COL12A1: variants seen among roughly 807,000 people sequenced by gnomAD.
COL12A1 encodes the protein collagen type XII alpha 1 chain.
In COL12A1, 114 loss-of-function variants were observed where a neutral mutation model predicts 349.7. That is an observed-to-expected ratio of 0.33 (90% CI 0.28 to 0.38). The LOEUF (loss-of-function observed/expected upper bound fraction) is 0.38, where lower values mean the gene tolerates loss of function less well. COL12A1 is among the 10% of genes least tolerant of loss of function. The probability of loss-of-function intolerance (pLI) is 1.00; values close to 1 mark genes in which losing one functional copy is unlikely to be tolerated. For missense variants in COL12A1, 3,284 were observed against 3,756.9 expected (o/e 0.87, Z 3.29); for synonymous variants, 1,369 against 1,329.0 (o/e 1.03, Z -0.66).
intron 63 of COL12A1, 116 bp from the exon 64 acceptor site, chr6:75,089,290 C>T: frequency 4.0e-6 from 3 of 746,938 alleles, no homozygotes; most frequent in Non-Finnish European, 6.2e-6. Flanking sequence ...AAAGCAGAAC[C>T]TAATTTTTCA....
At chr6:75,194,018 A>C (rs1770092190) in intron 3 of COL12A1, among the ~76,000 whole-genome samples, 1 of 152,124 alleles carries the variant, frequency 6.6e-6, no homozygotes, top group South Asian at 2.1e-4. Context: ...GCTATTGTGA[A>C]TAAGTGCCAC....
In COL12A1 at chr6:75,156,319, A is replaced by C; in HGVS notation, c.3188T>G (p.Ile1063Ser). ...CATCTTGTAAATAGGAAGAACTGTGATGTCATATGTGGTCTGTGGCTGAAG... is the reference window on the plus strand; with the variant it reads ...CATCTTGTAAATAGGAAGAACTGTGCTGTCATATGTGGTCTGTGGCTGAAG... ...KRLQPQTTYD[I>S]TVLPIYKMGE... The change falls in exon 15 of 66, where the codon ATC becomes AGC. Residue 1063 changes from isoleucine to serine, a missense_variant. Physicochemically the swap from Ile to Ser is moderately radical, Grantham distance 142. Transcript: ENST00000322507. The C allele has an allele frequency of 6.2e-7, 1 of 1,613,868 alleles. No individual in the cohort carries two copies. The highest frequency in any genetic ancestry group is 1.3e-5 in the African/African-American group (1 of 74,984).
Position 75,085,695 on chromosome 6 carries a change from C to A in COL12A1, c.*852G>T. The A allele has an allele frequency of 4.2e-6, 1 of 238,382 alleles. No homozygotes were observed. The highest frequency in any genetic ancestry group is 5.1e-5 in the South Asian group (1 of 19,798). The allele number at this position is 238,382 out of a possible 1,614,324, so 14.8% of individuals were successfully genotyped here. ...GCAAATCCCCAAGTAACTGTTTATG[C>A]CTTCAAACTCCTCAATTCAAAGAAC... On this transcript the variant is annotated 3_prime_UTR_variant, in exon 66 of 66. Transcript: ENST00000322507.
At chr6:75,203,758 C>G (rs1385045584) in intron 1 of COL12A1, among the ~76,000 whole-genome samples, 1 of 152,152 alleles carries the variant, frequency 6.6e-6, no homozygotes, top group Non-Finnish European at 1.5e-5. Flanking sequence ...CTAAAATAGT[C>G]TAGGGTTCAA....
At position 75,109,094 on chromosome 6, in the gene COL12A1, T is replaced by C. The variant is rs1178485617; in HGVS notation, c.8024A>G (p.Lys2675Arg). ...DCYEIIEKDI[K>R]EAGNITTDGY... is the part of the protein sequence containing the mutation. The stretch of plus-strand genomic sequence containing the variant: ...ATCAGTTGTTATATTTCCAGCTTCC[T>C]TGATGTCTTTTTCTATAATTTCATA... The change falls in exon 52 of 66, where the codon AAG (lysine) becomes AGG (arginine). Residue 2675 changes from lysine to arginine, a missense_variant. Physicochemically the swap from Lys to Arg is conservative, Grantham distance 26. Around this residue, in one of 2 missense-constraint regions of COL12A1, gnomAD observed 683 missense variants for 932.1 expected, o/e 0.73. Coordinates refer to ENST00000322507, the MANE Select transcript of COL12A1 (RefSeq NM_004370.6). 6.2e-7 allele frequency: 1 copy of C among 1,611,278 alleles called. No individual in the cohort carries two copies. Among genetic ancestry groups the C allele is most frequent in the Non-Finnish European group, 8.5e-7 (1 of 1,178,034 alleles).
chr6:75,161,338 A>T (rs142822838), intron 14 of COL12A1, among the ~76,000 whole-genome samples: 1 of 152,318 alleles, frequency 6.6e-6, no homozygotes, highest in East Asian at 1.9e-4. Flanking sequence ...TGTCATATAA[A>T]TAATTATTAT....
At chr6:75,192,181 T>C (rs1329724525) in intron 4 of COL12A1, 31 bp downstream of exon 4, 2 of 1,424,690 alleles carry the variant, frequency 1.4e-6, no homozygotes, top group South Asian at 1.5e-5. Context: ...ATAAAAATTA[T>C]ACAAATATTT....
chr6:75,184,903 T>C (rs1336927524), intron 8 of COL12A1, among the ~76,000 whole-genome samples: 1 of 152,198 alleles, frequency 6.6e-6, no homozygotes, highest in Non-Finnish European at 1.5e-5. Context: ...CCGGAAGATA[T>C]AGTTATAATT....
chr6:75,203,435 T>C (rs1770628810), intron 1 of COL12A1, among the ~76,000 whole-genome samples: 1 of 152,148 alleles, frequency 6.6e-6, no homozygotes, highest in Non-Finnish European at 1.5e-5. Flanking sequence ...ATCCTTTACC[T>C]GAGATGAGGG....
At chr6:75,089,611 G>A (rs58333285) in intron 63 of COL12A1, among the ~76,000 whole-genome samples, 5,668 of 152,246 alleles carry the variant, frequency 0.037, 357 homozygotes, top group African/African-American at 0.13. Context: ...TGGATACCCA[G>A]AATCCTGAAA....
At position 75,090,213 on chromosome 6, in the gene COL12A1, T is replaced by C. The variant is rs778351971; in HGVS notation, c.8838A>G (p.Pro2946=). 1 of 1,614,094 alleles carries C rather than the reference T, an allele frequency of 6.2e-7. No individual in the cohort carries two copies. Among genetic ancestry groups the C allele is most frequent in the Non-Finnish European group, 8.5e-7 (1 of 1,180,012 alleles). The change falls in exon 63 of 66, where the codon CCA becomes CCG. Residue 2946 remains proline, a synonymous_variant. Coordinates refer to ENST00000322507, the MANE Select transcript of COL12A1 (RefSeq NM_004370.6). This position sits in a 1 kb window ranked among gnomAD's most constrained non-coding sequence, Gnocchi z 4.1. The stretch of plus-strand genomic sequence containing the variant: ...CTCCTGCGCTACCAGGAGGTCCCGG[T>C]GGACCCGGCGGGCCTGGCTGGTTGC... The part of the protein sequence containing the change: ...SSRNQPGPPG[P]PGPPGSAGAR...
In COL12A1 at chr6:75,152,414, G is replaced by C; in HGVS notation, c.3634C>G (p.Arg1212Gly). The C allele has an allele frequency of 6.2e-7, 1 of 1,613,590 alleles. No homozygotes were observed. Among genetic ancestry groups the C allele is most frequent in the Non-Finnish European group, 8.5e-7 (1 of 1,179,720 alleles). ...LLVDGSWSIGRANFRTVRSFI... is the reference protein window; with the variant it reads ...LLVDGSWSIGGANFRTVRSFI... ...CTCCTCACGGTTCTAAAATTTGCCC[G>C]GCCGATGCTCCATGATCCATCCACC... The change falls in exon 18 of 66, where the codon CGG becomes GGG. Residue 1212 changes from arginine (R) to glycine (G), a missense_variant. Coordinates refer to ENST00000322507, the MANE Select transcript of COL12A1 (RefSeq NM_004370.6).
intron 16 of COL12A1, 107 bp from the exon 17 acceptor site, chr6:75,154,644 T>A: frequency 8.5e-7 from 1 of 1,177,714 alleles, no homozygotes; most frequent in Non-Finnish European, 1.2e-6. Flanking sequence ...AAGCTTACAC[T>A]ATGAAGAGTT....
At chr6:75,130,336 A>G in intron 36 of COL12A1, 103 bp from the exon 37 acceptor site, 1 of 1,107,004 alleles carries the variant, frequency 9.0e-7, no homozygotes. Context: ...ATTCACTCAG[A>G]TGTTTCCTCC....
rs549336635 is a variant in COL12A1, at chr6:75,151,965, C to T, written c.3902G>A (p.Arg1301Gln). The T allele has an allele frequency of 8.7e-6, 14 of 1,613,800 alleles. No individual in the cohort carries two copies. Among genetic ancestry groups the T allele is most frequent in the African/African-American group, 2.7e-5 (2 of 74,992 alleles). ...ATCAGTAATGAGCACACCAATTTTT[C>T]GAGCTCGAGGTCTCATGCCAGCTTG... ...RTQAGMRPRARKIGVLITDGK... is the reference protein window; with the variant it reads ...RTQAGMRPRAQKIGVLITDGK... Residue 1301 changes from arginine (R) to glutamine (Q), a missense_variant, in exon 20 of 66, where the codon CGA becomes CAA. Transcript: ENST00000322507.
At chr6:75,139,703 T>A (rs187941920) in intron 27 of COL12A1, among the ~76,000 whole-genome samples, 153 of 152,236 alleles carry the variant, frequency 1.0e-3, no homozygotes, top group Non-Finnish European at 1.6e-3. Context: ...CATAGCTTCT[T>A]CCTATAGATC....
chr6:75,128,274 AG>A (rs762082099), intron 38 of COL12A1, 21 bp downstream of exon 38: 1 of 1,545,140 alleles, frequency 6.5e-7, no homozygotes, highest in Non-Finnish European at 8.7e-7. Flanking sequence ...CAAAAATAAA[AG>A]GGGGAGTACA....
At chr6:75,204,400 G>A (rs1770672215) in intron 1 of COL12A1, among the ~76,000 whole-genome samples, 1 of 152,018 alleles carries the variant, frequency 6.6e-6, no homozygotes, top group East Asian at 1.9e-4. Flanking sequence ...CACTTTTGCT[G>A]GGTCTCGATC....
chr6:75,181,635 T>G (rs1442186638), intron 10 of COL12A1, among the ~76,000 whole-genome samples: 2 of 152,210 alleles, frequency 1.3e-5, no homozygotes, highest in Non-Finnish European at 2.9e-5. Flanking sequence ...TATTTCAAAG[T>G]AAAAATTAAG....
Sources: gnomAD v4.1 joint callset for allele counts (sites outside exome capture counted in the v4.1 genomes callset) on GRCh38, gnomAD v4.1.1 for gene constraint, gnomAD v4.1.1 regional missense constraint, Gnocchi (gnomAD v3.1) non-coding constraint, MANE v1.5 for transcripts, NCBI Gene and HGNC (gene_info 2026-07-23, HGNC 2026-07-21) for gene names.